ULK4: variants seen among roughly 807,000 people sequenced by gnomAD.
The protein encoded by ULK4 is unc-51 like kinase 4.
Under a neutral mutation model 160.6 loss-of-function variants are expected in ULK4, and 133 were observed. The ratio of observed to expected loss-of-function variants is 0.83; its 90% CI spans 0.72 to 0.96. The LOEUF (loss-of-function observed/expected upper bound fraction) is 0.96. ULK4 is among the 40% of genes least tolerant of loss of function. ULK4 has a pLI of 0.00. For synonymous variants in ULK4, 534 were observed against 539.8 expected (o/e 0.99, Z 0.15); for missense variants, 1,580 against 1,499.5 (o/e 1.05, Z -0.89).
intron 32 of ULK4, among the ~76,000 whole-genome samples, chr3:41,556,169 C>T (rs1338691012): frequency 6.6e-6 from 1 of 152,108 alleles, no homozygotes; most frequent in Non-Finnish European, 1.5e-5. Context: ...ACTTGTATCC[C>T]TGAACTTAAA....
intron 31 of ULK4, among the ~76,000 whole-genome samples, chr3:41,595,538 G>A (rs1013021959): frequency 6.6e-6 from 1 of 152,246 alleles, no homozygotes; most frequent in African/African-American, 2.4e-5. Flanking sequence ...CCAAGACAGA[G>A]CTTTGGGGTC....
intron 30 of ULK4, among the ~76,000 whole-genome samples, chr3:41,644,496 T>C: frequency 6.6e-6 from 1 of 152,336 alleles, no homozygotes; most frequent in South Asian, 2.1e-4. Flanking sequence ...GGATTACATT[T>C]ATTGATTTGT....
At chr3:41,878,532 C>T (rs1489909174) in intron 17 of ULK4, among the ~76,000 whole-genome samples, 2 of 151,912 alleles carry the variant, frequency 1.3e-5, no homozygotes, top group Non-Finnish European at 2.9e-5. Context: ...TTAAGGATAA[C>T]CAAATAGTTG....
intron 29 of ULK4, among the ~76,000 whole-genome samples, chr3:41,670,837 T>C (rs1240571898): frequency 4.6e-5 from 7 of 152,162 alleles, no homozygotes; most frequent in East Asian, 1.9e-4. Context: ...ACTGAAGTGG[T>C]AGAATTATCC....
chr3:41,450,341 A>G (rs926619849), intron 34 of ULK4, among the ~76,000 whole-genome samples: 1 of 152,212 alleles, frequency 6.6e-6, no homozygotes, highest in Non-Finnish European at 1.5e-5. Context: ...AACTCTGCAC[A>G]TAAGCAAGTC....
chr3:41,882,021 GA>G (rs59960840), intron 17 of ULK4: 447,176 of 576,672 alleles, frequency 0.78, 179,909 homozygotes, highest in East Asian at 0.86. Context: ...CCAGTAGAAT[GA>G]GGCCATCACA....
At chr3:41,893,005 C>T (rs1374720865) in intron 16 of ULK4, among the ~76,000 whole-genome samples, 2 of 152,172 alleles carry the variant, frequency 1.3e-5, no homozygotes, top group Admixed American at 6.5e-5. Context: ...TCATTGTCTC[C>T]GTGATTGGCT....
intron 17 of ULK4, among the ~76,000 whole-genome samples, chr3:41,844,204 C>T (rs967285049): frequency 6.6e-6 from 1 of 152,102 alleles, no homozygotes; most frequent in East Asian, 1.9e-4. Context: ...TGGGACTGGG[C>T]AGCATGGAGC....
intron 25 of ULK4, among the ~76,000 whole-genome samples, chr3:41,709,473 G>A (rs772456450): frequency 1.3e-5 from 2 of 152,038 alleles, no homozygotes; most frequent in Admixed American, 6.5e-5. Context: ...TGCAACCTCC[G>A]CCTCCCGGGT....
At chr3:41,798,035 C>A (rs1164364845) in intron 20 of ULK4, among the ~76,000 whole-genome samples, 4 of 151,862 alleles carry the variant, frequency 2.6e-5, no homozygotes, top group South Asian at 2.1e-4. Flanking sequence ...GGACAACTGG[C>A]AAAATTTCAA....
chr3:41,270,879 T>G (rs191002589), intron 35 of ULK4, among the ~76,000 whole-genome samples: 53 of 152,338 alleles, frequency 3.5e-4, no homozygotes, highest in Admixed American at 2.9e-3. Context: ...GCAAAAATTA[T>G]TACAGTAACT....
chr3:41,495,677 C>T (rs2084960992), intron 32 of ULK4, among the ~76,000 whole-genome samples: 1 of 151,528 alleles, frequency 6.6e-6, no homozygotes, highest in South Asian at 2.1e-4. Context: ...GCAACCTACT[C>T]ATCTGACAAA....
chr3:41,760,168 T>C (rs982856724), intron 21 of ULK4, among the ~76,000 whole-genome samples: 2 of 152,120 alleles, frequency 1.3e-5, no homozygotes, highest in African/African-American at 2.4e-5. Context: ...ATCTGTCGAA[T>C]AGATGCAAGG....
chr3:41,926,696 GAAGCACACAC>G (rs1364794838), intron 5 of ULK4, among the ~76,000 whole-genome samples: 1 of 152,160 alleles, frequency 6.6e-6, no homozygotes, highest in African/African-American at 2.4e-5. Flanking sequence ...AGAACTTCAT[GAAGCACACAC>G]AAGTATCAAT....
intron 31 of ULK4, among the ~76,000 whole-genome samples, chr3:41,608,939 C>T (rs2032519488): frequency 6.6e-6 from 1 of 152,202 alleles, no homozygotes; most frequent in South Asian, 2.1e-4. Flanking sequence ...TACTTCTCTC[C>T]TGTGTTTTTT....
At position 41,288,304 on chromosome 3, in the gene ULK4, A is replaced by G. The variant is rs796261302; in HGVS notation, c.3679-38730T>C. On this transcript the variant is annotated intron_variant, in intron 35 of 36. Transcript: ENST00000301831. ...CTTCACACAGCTTGCTCCCAGGAAG[A>G]TGAGCCCCACTAAGCACCAGGGCAG... Among the ~76,000 whole-genome samples the G allele has an allele frequency of 5.3e-5, 8 of 152,308 alleles. No homozygotes were observed. The South Asian group carries it at 1.7e-3, about 32-fold the overall frequency.
intron 30 of ULK4, among the ~76,000 whole-genome samples, chr3:41,622,829 G>T (rs1040425619): frequency 1.2e-4 from 19 of 152,100 alleles, no homozygotes; most frequent in African/African-American, 4.1e-4. Flanking sequence ...GATTTTTTCC[G>T]TAACAGTCCA....
chr3:41,765,604 A>G (rs906517430), intron 21 of ULK4, among the ~76,000 whole-genome samples: 2 of 152,194 alleles, frequency 1.3e-5, no homozygotes, highest in African/African-American at 4.8e-5. Flanking sequence ...CACAAAGAGG[A>G]AAACAAAGAA....
At chr3:41,258,963 CAT>C (rs1026798443) in intron 35 of ULK4, among the ~76,000 whole-genome samples, 6 of 149,392 alleles carry the variant, frequency 4.0e-5, no homozygotes, top group Admixed American at 1.3e-4. Flanking sequence ...TATATATATA[CAT>C]ATATGTGTAT....
Sources: allele counts gnomAD v4.1 joint callset (sites outside exome capture counted in the v4.1 genomes callset), GRCh38; gene constraint gnomAD v4.1.1; transcripts MANE v1.5; gene names NCBI Gene and HGNC (gene_info 2026-07-23, HGNC 2026-07-21).